Variants in SGCZ observed in about 807,000 individuals in gnomAD.
SGCZ encodes sarcoglycan zeta.
A neutral mutation model predicts 41.3 loss-of-function variants in SGCZ; 40 were observed. The ratio of observed to expected loss-of-function variants is 0.97; its 90% CI spans 0.75 to 1.26. SGCZ has a LOEUF of 1.26. SGCZ is among the 50% of genes most tolerant of loss of function. The pLI is 0.00. For missense variants in SGCZ, 552 were observed against 369.8 expected, an observed-to-expected ratio of 1.49 and a Z score of -4.04; for synonymous variants, 206 against 137.5, an observed-to-expected ratio of 1.50 and a Z score of -3.49.
At chr8:14,255,843 A>T (rs1199470169) in intron 3 of SGCZ, among the ~76,000 whole-genome samples, 1 of 152,090 alleles carries the variant, frequency 6.6e-6, no homozygotes, top group African/African-American at 2.4e-5. Context: ...ATTTTGAGGT[A>T]TTTCCATCAA....
intron 2 of SGCZ, among the ~76,000 whole-genome samples, chr8:14,394,032 AATG>A (rs1585446142): frequency 1.3e-5 from 2 of 152,256 alleles, no homozygotes; most frequent in Non-Finnish European, 2.9e-5. Context: ...TATATCCTTA[AATG>A]ATGAGTTTTA....
At chr8:14,264,820 G>C (rs901426400) in intron 3 of SGCZ, among the ~76,000 whole-genome samples, 1 of 151,982 alleles carries the variant, frequency 6.6e-6, no homozygotes, top group Non-Finnish European at 1.5e-5. Flanking sequence ...AAAATTAGCC[G>C]GGCGTGGTGG....
chr8:14,541,281 C>A (rs1045051157), intron 2 of SGCZ, among the ~76,000 whole-genome samples: 1 of 151,896 alleles, frequency 6.6e-6, no homozygotes, highest in African/African-American at 2.4e-5. Context: ...AGGTATTTGT[C>A]CTAATGCTCT....
At chr8:15,108,879 A>C (rs1806937027) in intron 1 of SGCZ, among the ~76,000 whole-genome samples, 1 of 151,840 alleles carries the variant, frequency 6.6e-6, no homozygotes, top group Non-Finnish European at 1.5e-5. Flanking sequence ...TGGCTGTATT[A>C]GTTGTTACGC....
At chr8:14,496,953 G>A (rs777672863) in intron 2 of SGCZ, among the ~76,000 whole-genome samples, 19 of 152,020 alleles carry the variant, frequency 1.2e-4, no homozygotes, top group African/African-American at 2.2e-4. Context: ...CTTTTAGGTT[G>A]TTTATTTCCC....
intron 1 of SGCZ, among the ~76,000 whole-genome samples, chr8:14,686,395 C>T (rs745568392): frequency 7.9e-5 from 12 of 151,840 alleles, no homozygotes; most frequent in Non-Finnish European, 1.2e-4. Context: ...TGATGGGACT[C>T]GAAACATAGC....
At chr8:15,199,354 C>A (rs554817459) in intron 1 of SGCZ, among the ~76,000 whole-genome samples, 3 of 152,244 alleles carry the variant, frequency 2.0e-5, no homozygotes, top group East Asian at 1.9e-4. Context: ...TTCCCTCAAC[C>A]ATTAAAGTAA....
chr8:15,216,603 T>A (rs1801411623), intron 1 of SGCZ, among the ~76,000 whole-genome samples: 1 of 152,080 alleles, frequency 6.6e-6, no homozygotes, highest in African/African-American at 2.4e-5. Context: ...CAGGAAACTG[T>A]CAAGAGAACT....
At chr8:15,106,476 G>T (rs1314982117) in intron 1 of SGCZ, among the ~76,000 whole-genome samples, 1 of 151,824 alleles carries the variant, frequency 6.6e-6, no homozygotes, top group Non-Finnish European at 1.5e-5. Context: ...GTCCAGATAG[G>T]CTAAACATTT....
intron 1 of SGCZ, among the ~76,000 whole-genome samples, chr8:14,803,984 G>T (rs1202277526): frequency 9.0e-5 from 11 of 122,616 alleles, no homozygotes; most frequent in African/African-American, 1.9e-4. Context: ...CACCTCACAC[G>T]GCAGGGTATT....
intron 1 of SGCZ, among the ~76,000 whole-genome samples, chr8:14,886,108 A>C (rs1343436089): frequency 6.8e-6 from 1 of 147,450 alleles, no homozygotes; most frequent in African/African-American, 2.5e-5. Flanking sequence ...TTGACCACTT[A>C]ATATTCTATC....
chr8:14,907,417 G>C (rs61500087), intron 1 of SGCZ, among the ~76,000 whole-genome samples: 1 of 151,876 alleles, frequency 6.6e-6, no homozygotes, highest in Non-Finnish European at 1.5e-5. Context: ...CCAACTCCTG[G>C]GCTCAAGTGA....
At chr8:14,949,359 A>G (rs562243078) in intron 1 of SGCZ, among the ~76,000 whole-genome samples, 1 of 152,170 alleles carries the variant, frequency 6.6e-6, no homozygotes, top group Non-Finnish European at 1.5e-5. Context: ...TTGAATTTTA[A>G]AAGTACAGAA....
chr8:14,745,784 C>T (rs1214019573), intron 1 of SGCZ, among the ~76,000 whole-genome samples: 1 of 151,816 alleles, frequency 6.6e-6, no homozygotes, highest in Non-Finnish European at 1.5e-5. Flanking sequence ...CTGTTCCCAT[C>T]AACAGTTTTC....
intron 2 of SGCZ, among the ~76,000 whole-genome samples, chr8:14,345,143 A>G (rs1282418747): frequency 6.6e-6 from 1 of 152,128 alleles, no homozygotes; most frequent in Non-Finnish European, 1.5e-5. Context: ...ACTTCATAGA[A>G]AAGGATAGTA....
At chr8:15,145,861 A>T (rs539948494) in intron 1 of SGCZ, among the ~76,000 whole-genome samples, 2 of 152,332 alleles carry the variant, frequency 1.3e-5, no homozygotes, top group South Asian at 4.1e-4. Flanking sequence ...ATTATCAAGG[A>T]GGTTAAACAC....
intron 1 of SGCZ, among the ~76,000 whole-genome samples, chr8:14,643,340 T>G (rs1469008006): frequency 6.6e-6 from 1 of 151,604 alleles, no homozygotes; most frequent in Non-Finnish European, 1.5e-5. Flanking sequence ...ATGTCATCTA[T>G]TAGAGATATA....
chr8:14,669,835 C>G (rs879912529), intron 1 of SGCZ, among the ~76,000 whole-genome samples: 2 of 152,138 alleles, frequency 1.3e-5, no homozygotes, highest in Non-Finnish European at 2.9e-5. Flanking sequence ...GAGATCCTCA[C>G]TTTACTTCCT....
chr8:14,283,353 C>G (rs1413798993), intron 3 of SGCZ, among the ~76,000 whole-genome samples: 1 of 152,162 alleles, frequency 6.6e-6, no homozygotes, highest in Non-Finnish European at 1.5e-5. Flanking sequence ...TCGCAACTTT[C>G]TCAGCATATT....
Sources: allele counts gnomAD v4.1 joint callset (sites outside exome capture counted in the v4.1 genomes callset), GRCh38; gene constraint gnomAD v4.1.1; transcripts MANE v1.5; gene names NCBI Gene and HGNC (gene_info 2026-07-23, HGNC 2026-07-21).